GRID2: variants seen among roughly 807,000 people sequenced by gnomAD.
The protein encoded by GRID2 is glutamate ionotropic receptor delta type subunit 2, also known as glutamate receptor ionotropic, delta-2.
GRID2 carries 33 observed loss-of-function variants against 114.8 expected under a neutral mutation model. The ratio of observed to expected loss-of-function variants is 0.29; its 90% CI spans 0.22 to 0.38. The LOEUF is 0.38. Among genes scored for constraint, GRID2 ranks in the 10% least tolerant of loss-of-function variants. GRID2 has a pLI of 1.00. For missense variants in GRID2, 1,184 were observed against 1,257.7 expected, an observed-to-expected ratio of 0.94 and a Z score of 0.89; for synonymous variants, 505 against 449.9, an observed-to-expected ratio of 1.12 and a Z score of -1.55.
At chr4:93,627,313 T>G (rs1006648661) in intron 14 of GRID2, among the ~76,000 whole-genome samples, 1 of 152,336 alleles carries the variant, frequency 6.6e-6, no homozygotes, top group African/African-American at 2.4e-5. Context: ...TTCAAACAAC[T>G]TGAGTTATAT....
chr4:92,564,624 T>C (rs2149185552), intron 1 of GRID2, among the ~76,000 whole-genome samples: 1 of 152,052 alleles, frequency 6.6e-6, no homozygotes, highest in Middle Eastern at 3.4e-3. Flanking sequence ...TAAAGAAATA[T>C]AAATTTAACA....
chr4:92,594,151 G>T (rs1728840260), intron 2 of GRID2, among the ~76,000 whole-genome samples: 1 of 151,582 alleles, frequency 6.6e-6, no homozygotes, highest in Non-Finnish European at 1.5e-5. Context: ...TATTTTTCTT[G>T]CTATATACCC....
At chr4:92,610,178 A>G (rs1729649890) in intron 2 of GRID2, among the ~76,000 whole-genome samples, 1 of 151,570 alleles carries the variant, frequency 6.6e-6, no homozygotes, top group Non-Finnish European at 1.5e-5. Context: ...TTTGCCTTAG[A>G]CTGACACCCC....
At chr4:92,911,872 C>A (rs1442033781) in intron 2 of GRID2, among the ~76,000 whole-genome samples, 2 of 150,548 alleles carry the variant, frequency 1.3e-5, no homozygotes, top group South Asian at 2.1e-4. Context: ...GGTATTAATT[C>A]TTAAGGTTTA....
At chr4:93,356,781 AAT>A (rs1314923087) in intron 8 of GRID2, among the ~76,000 whole-genome samples, 1 of 151,868 alleles carries the variant, frequency 6.6e-6, no homozygotes, top group Non-Finnish European at 1.5e-5. Context: ...TTTTCATCAG[AAT>A]CAGCTATCTT....
At chr4:93,612,322 A>T (rs1160577499) in intron 13 of GRID2, among the ~76,000 whole-genome samples, 2 of 150,580 alleles carry the variant, frequency 1.3e-5, no homozygotes, top group Admixed American at 6.6e-5. Flanking sequence ...TTTAAAGTTA[A>T]TAGTGTTATG....
intron 2 of GRID2, among the ~76,000 whole-genome samples, chr4:93,056,008 C>T (rs996479336): frequency 6.6e-6 from 1 of 151,768 alleles, no homozygotes; most frequent in Non-Finnish European, 1.5e-5. Context: ...TTCTTTGCTG[C>T]CTTAATGATG....
chr4:92,790,177 T>C (rs1440431294), intron 2 of GRID2, among the ~76,000 whole-genome samples: 1 of 151,834 alleles, frequency 6.6e-6, no homozygotes, highest in Non-Finnish European at 1.5e-5. Flanking sequence ...CATCTAAATA[T>C]GTATGTGTAC....
At chr4:93,082,173 C>A (rs762587625) in intron 2 of GRID2, among the ~76,000 whole-genome samples, 28 of 152,180 alleles carry the variant, frequency 1.8e-4, no homozygotes, top group Middle Eastern at 3.2e-3. Flanking sequence ...CATCCAGTCC[C>A]AATTCATTTT....
chr4:93,486,819 T>C, intron 11 of GRID2, among the ~76,000 whole-genome samples: 1 of 151,938 alleles, frequency 6.6e-6, no homozygotes, highest in Admixed American at 6.6e-5. Context: ...TGTCAGGTTT[T>C]GTTATCAAAG....
Position 92,792,893 on chromosome 4 carries a change from ATTTT to A in GRID2, c.244+202620_244+202623del, listed in dbSNP as rs11456511. On this transcript the variant is annotated intron_variant, in intron 2 of 15. Transcript: ENST00000282020. ...CCAGGACCAGCGACTCATAATATCC[ATTTT>A]TTTTTTTTTTTTGTCATTTTGCACT... 8.6e-4 allele frequency among the ~76,000 whole-genome samples: 115 copies of A among 133,288 alleles called. 1 individual carries two copies. The highest frequency in any genetic ancestry group is 2.9e-3 in the African/African-American group (106 of 36,706). The allele number at this position is 133,288 out of a possible 152,430, so 87.4% of individuals were successfully genotyped here.
chr4:93,048,986 C>T (rs995505715), intron 2 of GRID2, among the ~76,000 whole-genome samples: 1 of 151,970 alleles, frequency 6.6e-6, no homozygotes, highest in African/African-American at 2.4e-5. Context: ...TCCTTGGTGG[C>T]CTCTGCTTCA....
At chr4:92,773,841 A>G (rs938549304) in intron 2 of GRID2, among the ~76,000 whole-genome samples, 2 of 152,240 alleles carry the variant, frequency 1.3e-5, no homozygotes, top group South Asian at 2.1e-4. Context: ...TATATAATCC[A>G]CAAATGCTGC....
At chr4:93,677,537 G>A (rs1271897499) in intron 14 of GRID2, among the ~76,000 whole-genome samples, 3 of 152,134 alleles carry the variant, frequency 2.0e-5, no homozygotes, top group African/African-American at 7.2e-5. Context: ...CCCCCAGTAG[G>A]GGCAGACTGA....
chr4:92,842,899 G>C (rs6817811), intron 2 of GRID2, among the ~76,000 whole-genome samples: 39,896 of 151,834 alleles, frequency 0.26, 5,871 homozygotes, highest in Admixed American at 0.44. Flanking sequence ...GGCATTTAGG[G>C]GATGTGTATT....
chr4:92,633,066 A>T (rs758311631), intron 2 of GRID2, among the ~76,000 whole-genome samples: 3 of 152,174 alleles, frequency 2.0e-5, no homozygotes, highest in Non-Finnish European at 2.9e-5. Flanking sequence ...GTCAGTGAAC[A>T]TGCAGCACCC....
intron 14 of GRID2, among the ~76,000 whole-genome samples, chr4:93,680,324 T>G (rs1377254278): frequency 6.6e-6 from 1 of 151,888 alleles, no homozygotes; most frequent in Non-Finnish European, 1.5e-5. Context: ...ACCAGATGGA[T>G]TCACAGCCGA....
intron 1 of GRID2, among the ~76,000 whole-genome samples, chr4:93,782,537 A>C (rs1258636902): frequency 1.3e-5 from 2 of 152,136 alleles, no homozygotes; most frequent in African/African-American, 2.4e-5. Flanking sequence ...TGAAATACTC[A>C]TCATCACAAA....
chr4:92,770,109 C>CT (rs1329323371), intron 2 of GRID2, among the ~76,000 whole-genome samples: 1 of 152,180 alleles, frequency 6.6e-6, no homozygotes, highest in African/African-American at 2.4e-5. Context: ...TGCTTCGTTG[C>CT]TTAGAAATTT....
Sources: allele counts gnomAD v4.1 joint callset (sites outside exome capture counted in the v4.1 genomes callset), GRCh38; gene constraint gnomAD v4.1.1; transcripts MANE v1.5; gene names NCBI Gene and HGNC (gene_info 2026-07-23, HGNC 2026-07-21).